MAP6: variants seen among roughly 807,000 people sequenced by gnomAD.
MAP6 encodes the protein microtubule-associated protein 6.
Under a neutral mutation model 42.4 loss-of-function variants are expected in MAP6, and 26 were observed. The observed-to-expected ratio is 0.61, with a 90% confidence interval of 0.45 to 0.85. The LOEUF is 0.85. Ranked by LOEUF, MAP6 falls within the 40% of genes least tolerant of loss-of-function variation. MAP6 has a pLI of 0.00. For synonymous variants in MAP6, 418 were observed against 443.8 expected, an observed-to-expected ratio of 0.94 and a Z score of 0.73; for missense variants, 966 against 1,099.0, an observed-to-expected ratio of 0.88 and a Z score of 1.71.
rs184861722 is a variant in MAP6, at chr11:75,654,023, C to A, written c.905+13442G>T. Among the ~76,000 whole-genome samples the A allele has an allele frequency of 1.7e-4, 26 of 152,274 alleles. 1 individual carries two copies. Among genetic ancestry groups the A allele is most frequent in the Admixed American group, 1.6e-3 (25 of 15,288 alleles). ...TTAAGCATCTATTAAACACCATGCACTAAGCTAGGTGCTGGAGGTACAATA... is the reference window on the plus strand; with the variant it reads ...TTAAGCATCTATTAAACACCATGCAATAAGCTAGGTGCTGGAGGTACAATA... On this transcript the variant is annotated intron_variant, in intron 1 of 3. Transcript: ENST00000304771.
chr11:75,604,136 G>T (rs1942715893), intron 3 of MAP6: 1 of 985,754 alleles, frequency 1.0e-6, no homozygotes, highest in African/African-American at 1.7e-5. Context: ...TAAACCCTGA[G>T]ATAGAAAGGA....
intron 1 of MAP6, among the ~76,000 whole-genome samples, chr11:75,658,908 C>T (rs1474615936): frequency 2.0e-5 from 3 of 152,204 alleles, no homozygotes; most frequent in South Asian, 2.1e-4. Flanking sequence ...GCAGACTTAA[C>T]CCCTCTCTTC....
chr11:75,638,174 C>T (rs1943403983), intron 1 of MAP6, among the ~76,000 whole-genome samples: 2 of 152,308 alleles, frequency 1.3e-5, no homozygotes, highest in African/African-American at 2.4e-5. Flanking sequence ...CTCACAGGCC[C>T]CTCAGGCCTG....
intron 1 of MAP6, among the ~76,000 whole-genome samples, chr11:75,649,786 A>T (rs1222300912): frequency 6.6e-6 from 1 of 152,038 alleles, no homozygotes; most frequent in Non-Finnish European, 1.5e-5. Context: ...TGATCCACCC[A>T]TCTAGGCCTC....
chr11:75,645,156 G>A (rs556135278), intron 1 of MAP6, among the ~76,000 whole-genome samples: 3 of 152,150 alleles, frequency 2.0e-5, no homozygotes, highest in South Asian at 2.1e-4. Flanking sequence ...CACTGCTGCC[G>A]AGAGGACACT....
chr11:75,587,571 G>A lies in MAP6; in HGVS notation c.1930C>T (p.Pro644Ser). Residue 644 changes from proline (P) to serine (S), a missense_variant, in exon 4 of 4, where the codon CCA becomes TCA. Pro to Ser is a moderately conservative substitution (Grantham distance 74). Coordinates refer to ENST00000304771, the MANE Select transcript of MAP6 (RefSeq NM_033063.2). ...APIKDQDPMV[P>S]EHPKDESAMA... The stretch of plus-strand genomic sequence containing the variant: ...GCACTTTCATCCTTCGGATGCTCTG[G>A]GACCATGGGATCTTGATCCTTGATA... 3.7e-6 allele frequency: 6 copies of A among 1,614,118 alleles called. No individual in the cohort carries two copies. The highest frequency in any genetic ancestry group is 5.1e-6 in the Non-Finnish European group (6 of 1,180,028).
At chr11:75,619,617 C>T (rs1364023957) in intron 1 of MAP6, among the ~76,000 whole-genome samples, 1 of 152,118 alleles carries the variant, frequency 6.6e-6, no homozygotes, top group Non-Finnish European at 1.5e-5. Flanking sequence ...ATTTGGTTTT[C>T]TGTTTGTGAG....
chr11:75,618,667 A>ACT, intron 1 of MAP6, among the ~76,000 whole-genome samples: 1 of 151,936 alleles, frequency 6.6e-6, no homozygotes, highest in Middle Eastern at 3.4e-3. Flanking sequence ...TCCTCAGATG[A>ACT]CTCTGGAAGC....
chr11:75,630,849 T>C (rs1943274094), intron 1 of MAP6, among the ~76,000 whole-genome samples: 1 of 152,250 alleles, frequency 6.6e-6, no homozygotes, highest in South Asian at 2.1e-4. Flanking sequence ...TATTACCTTT[T>C]AAGAACAATT....
rs190391212 is a variant in MAP6 at position 75,625,503 on chromosome 11, C to A, written c.906-17181G>T. Among the ~76,000 whole-genome samples the A allele has an allele frequency of 1.2e-4, 18 of 152,272 alleles. 1 individual carries two copies. The East Asian group carries it at 3.1e-3, about 26-fold the overall frequency. ...TGCACAAACATGCCCTCAATCCCCA[C>A]ACAGTGCCACCAGGCAGGGACCTCC... On this transcript the variant is annotated intron_variant, in intron 1 of 3. Coordinates refer to ENST00000304771, the MANE Select transcript of MAP6 (RefSeq NM_033063.2).
chr11:75,599,810 T>G (rs1323484029), intron 3 of MAP6, among the ~76,000 whole-genome samples: 1 of 152,200 alleles, frequency 6.6e-6, no homozygotes. Context: ...TGGATTCCAG[T>G]GCTTTCTCCA....
chr11:75,667,722 C>T lies in MAP6; in HGVS notation c.648G>A (p.Glu216=). The T allele has an allele frequency of 7.7e-7, 1 of 1,293,466 alleles. No individual in the cohort carries two copies. Among genetic ancestry groups the T allele is most frequent in the Non-Finnish European group, 9.8e-7 (1 of 1,023,766 alleles). The allele number at this position is 1,293,466 out of a possible 1,614,324, so 80.1% of individuals were successfully genotyped here. A position where few individuals can be genotyped will look rare whatever the true frequency, so the allele number is the denominator to read the frequency against. ...GGCCACCCGCTCCGCCGGGGGCCGCCTCCTGCTCCCGGGCCTCAGCGGCGG... is the reference window on the plus strand; with the variant it reads ...GGCCACCCGCTCCGCCGGGGGCCGCTTCCTGCTCCCGGGCCTCAGCGGCGG... ...VQAAAEAREQ[E]AAPGGAGGLA... Residue 216 remains glutamate, a synonymous_variant, in exon 1 of 4, where the codon GAG becomes GAA. Transcript: ENST00000304771. This position sits in a 1 kb window ranked among gnomAD's most constrained non-coding sequence, Gnocchi z 5.6.
At chr11:75,643,236 A>G (rs946925724) in intron 1 of MAP6, among the ~76,000 whole-genome samples, 2 of 150,748 alleles carry the variant, frequency 1.3e-5, no homozygotes, top group African/African-American at 4.9e-5. Context: ...ATATATATAA[A>G]TATATAAATT....
rs115229411 is a variant in MAP6 at position 75,650,525 on chromosome 11, T to C, written c.905+16940A>G. 3.5e-3 allele frequency among the ~76,000 whole-genome samples: 532 copies of C among 152,322 alleles called. 4 individuals are homozygous for C. Among genetic ancestry groups the C allele is most frequent in the African/African-American group, 0.012 (512 of 41,568 alleles). On this transcript the variant is annotated intron_variant, in intron 1 of 3. Coordinates refer to ENST00000304771, the MANE Select transcript of MAP6 (RefSeq NM_033063.2). Reference sequence around the variant, plus strand: ...AATTTTGTCTTGTTCATGGCTGTAATCCAAGAACATAGTTCAGAGTCTGTT... The same window carrying C: ...AATTTTGTCTTGTTCATGGCTGTAACCCAAGAACATAGTTCAGAGTCTGTT...
intron 1 of MAP6, among the ~76,000 whole-genome samples, chr11:75,616,452 A>C (rs1300561938): frequency 1.3e-5 from 2 of 152,244 alleles, no homozygotes; most frequent in Non-Finnish European, 2.9e-5. Context: ...CTCCGTTCAA[A>C]AATCTTGTCT....
In MAP6 at chr11:75,648,498, AAAACAAAC is replaced by A. The variant is rs145625627; in HGVS notation, c.905+18959_905+18966del. Among the ~76,000 whole-genome samples, 1,233 of 152,038 alleles carry A rather than the reference AAAACAAAC, an allele frequency of 8.1e-3. 12 individuals are homozygous for A. The highest frequency in any genetic ancestry group is 0.029 in the South Asian group (140 of 4,822). On this transcript the variant is annotated intron_variant, in intron 1 of 3. Coordinates refer to ENST00000304771, the MANE Select transcript of MAP6 (RefSeq NM_033063.2). ...GGGCAACAGAGTGAGACCCTGTCTA[AAAACAAAC>A]AAACAAACAAACAAACAAACAGAAA...
At chr11:75,641,984 T>C (rs939161557) in intron 1 of MAP6, among the ~76,000 whole-genome samples, 1 of 152,226 alleles carries the variant, frequency 6.6e-6, no homozygotes, top group African/African-American at 2.4e-5. Context: ...TATGAGCCAG[T>C]TATTAAGCAC....
At chr11:75,663,460 A>G (rs1011766809) in intron 1 of MAP6, among the ~76,000 whole-genome samples, 24 of 152,336 alleles carry the variant, frequency 1.6e-4, no homozygotes, top group African/African-American at 4.8e-4. Flanking sequence ...AAAATTTTCA[A>G]CAAGCCCTAA....
intron 1 of MAP6, among the ~76,000 whole-genome samples, chr11:75,610,944 C>T (rs1171946235): frequency 6.6e-6 from 1 of 152,162 alleles, no homozygotes; most frequent in Non-Finnish European, 1.5e-5. Context: ...CGGCATCCCA[C>T]ACACCCCAGC....
Sources: gnomAD v4.1 joint callset for allele counts (sites outside exome capture counted in the v4.1 genomes callset) on GRCh38, gnomAD v4.1.1 for gene constraint, Gnocchi (gnomAD v3.1) non-coding constraint, MANE v1.5 for transcripts, NCBI Gene and HGNC (gene_info 2026-07-23, HGNC 2026-07-21) for gene names.